PEX7: variants seen among roughly 807,000 people sequenced by gnomAD.
PEX7 encodes the protein peroxisomal biogenesis factor 7.
Under a neutral mutation model 47.5 loss-of-function variants are expected in PEX7, and 34 were observed. The observed-to-expected ratio is 0.72, with a 90% CI of 0.54 to 0.95. The LOEUF is 0.95. Among genes scored for constraint, PEX7 ranks in the 40% least tolerant of loss-of-function variants. PEX7 has a pLI of 0.00. For synonymous variants in PEX7, 141 were observed against 148.8 expected, an observed-to-expected ratio of 0.95 and a Z score of 0.38; for missense variants, 394 against 400.3, an observed-to-expected ratio of 0.98 and a Z score of 0.13.
chr6:136,823,202 C>T, intron 1 of PEX7: 1 of 985,386 alleles, frequency 1.0e-6, no homozygotes. Flanking sequence ...ACCCAGGGCT[C>T]GCGAGTTGGC....
chr6:136,844,584 A>G (rs972383804), intron 3 of PEX7, among the ~76,000 whole-genome samples: 1 of 152,178 alleles, frequency 6.6e-6, no homozygotes. Context: ...ACCATGGTGT[A>G]CATTGAATCT....
chr6:136,826,632 A>C (rs1469336481), intron 3 of PEX7, among the ~76,000 whole-genome samples, 163 bp downstream of exon 3: 1 of 151,570 alleles, frequency 6.6e-6, no homozygotes, highest in Non-Finnish European at 1.5e-5. Context: ...ATTCAAACAT[A>C]AAGTACCTCT....
rs1356410449 is a variant in PEX7, at chr6:136,826,229, A to AG, written c.189-89dup. Reference sequence around the variant, plus strand: ...GTGTTAAAATGTGTGATAAATTGAAAGAAAAAAAACCATAATTGTTATTTT... The same window carrying AG: ...GTGTTAAAATGTGTGATAAATTGAAAGGAAAAAAAACCATAATTGTTATTTT... On this transcript the variant is annotated intron_variant, in intron 2 of 9. Transcript: ENST00000318471. 380 of 1,421,806 alleles carry AG rather than the reference A, an allele frequency of 2.7e-4. 4 individuals carry two copies. The South Asian group carries it at 4.2e-3, about 16-fold the overall frequency. The allele number at this position is 1,421,806 out of a possible 1,614,324, so 88.1% of individuals were successfully genotyped here.
chr6:136,854,434 G>A (rs948959049), intron 5 of PEX7, among the ~76,000 whole-genome samples: 3 of 152,096 alleles, frequency 2.0e-5, no homozygotes, highest in Admixed American at 6.5e-5. Context: ...TGATCAACCC[G>A]CCTTGGCCTC....
At chr6:136,823,359 G>A (rs1774120879) in intron 1 of PEX7, 16 of 985,280 alleles carry the variant, frequency 1.6e-5, no homozygotes, top group Non-Finnish European at 1.9e-5. Context: ...GTTGTCTAAC[G>A]AGGAATGCAC....
chr6:136,841,403 A>G (rs947896542), intron 3 of PEX7, among the ~76,000 whole-genome samples: 1 of 152,058 alleles, frequency 6.6e-6, no homozygotes, highest in African/African-American at 2.4e-5. Context: ...CCCGATCCCT[A>G]GGGTGCTGTA....
chr6:136,839,139 C>T (rs560752384), intron 3 of PEX7, among the ~76,000 whole-genome samples: 4 of 152,090 alleles, frequency 2.6e-5, no homozygotes, highest in Admixed American at 6.5e-5. Flanking sequence ...TGTGCTCGTT[C>T]GTGGCACTGC....
chr6:136,895,233 G>A (rs1034175536), intron 8 of PEX7, among the ~76,000 whole-genome samples: 8 of 151,802 alleles, frequency 5.3e-5, no homozygotes, highest in African/African-American at 1.9e-4. Flanking sequence ...GTGAGAATGG[G>A]GAAAGAAATA....
intron 3 of PEX7, among the ~76,000 whole-genome samples, chr6:136,837,812 C>CCACACACACA (rs34680868): frequency 4.5e-4 from 66 of 146,810 alleles, no homozygotes; most frequent in Middle Eastern, 7.0e-3. Flanking sequence ...AATTTAAACG[C>CCACACACACA]CACACACACA....
chr6:136,823,473 G>A (rs1774124555), intron 1 of PEX7: 3 of 436,210 alleles, frequency 6.9e-6, no homozygotes, highest in Non-Finnish European at 9.1e-6. Flanking sequence ...CGGGAGGATC[G>A]CTTGAGCCCG....
intron 5 of PEX7, among the ~76,000 whole-genome samples, chr6:136,860,157 T>C (rs1194875760): frequency 3.3e-5 from 5 of 152,128 alleles, no homozygotes; most frequent in Non-Finnish European, 7.4e-5. Flanking sequence ...AGGCCAGTTG[T>C]CTAGAAAATT....
intron 3 of PEX7, among the ~76,000 whole-genome samples, chr6:136,843,703 T>C (rs1774544424): frequency 6.6e-6 from 1 of 152,222 alleles, no homozygotes; most frequent in South Asian, 2.1e-4. Flanking sequence ...AACCAGCCTT[T>C]TTTCTATCCA....
chr6:136,825,302 A>G (rs769699954), intron 2 of PEX7, 31 bp downstream of exon 2: 1 of 1,526,432 alleles, frequency 6.6e-7, no homozygotes, highest in Non-Finnish European at 9.1e-7. Flanking sequence ...AAAGGTATAT[A>G]TTGTTGCTAT....
At chr6:136,899,431 A>G (rs113257802) in intron 9 of PEX7, among the ~76,000 whole-genome samples, 5 of 152,118 alleles carry the variant, frequency 3.3e-5, no homozygotes, top group African/African-American at 1.2e-4. Flanking sequence ...TTTAGTAGAG[A>G]TGGGGTTTCG....
In PEX7 at chr6:136,822,756, C is replaced by A. The variant is rs1161356999; in HGVS notation, c.91C>A (p.Arg31Ser). 1.4e-6 allele frequency: 2 copies of A among 1,481,216 alleles called. No homozygotes were observed. The highest frequency in any genetic ancestry group is 1.3e-5 in the South Asian group (1 of 78,784). The allele number at this position is 1,481,216 out of a possible 1,614,324, so 91.8% of individuals were successfully genotyped here. A position where few individuals can be genotyped will look rare whatever the true frequency, so the allele number is the denominator to read the frequency against. ...AAEFSPYLPG[R>S]LACATAQHYG... ...CGAGTTCTCCCCGTACCTGCCGGGC[C>A]GCCTGGCCTGCGCCACCGCGCAGCA... Residue 31 changes from arginine (R) to serine (S), a missense_variant, in exon 1 of 10, where the codon CGC becomes AGC. Coordinates refer to ENST00000318471, the MANE Select transcript of PEX7 (RefSeq NM_000288.4).
chr6:136,892,486 TTA>T (rs1470240658), intron 8 of PEX7, among the ~76,000 whole-genome samples: 1 of 152,246 alleles, frequency 6.6e-6, no homozygotes, highest in Non-Finnish European at 1.5e-5. Context: ...CTGCCATTTA[TTA>T]GCTCTATAAC....
intron 3 of PEX7, among the ~76,000 whole-genome samples, chr6:136,837,097 A>G (rs1391206257): frequency 6.6e-6 from 1 of 152,176 alleles, no homozygotes. Context: ...AGCCGCGCTT[A>G]CGCCTGTAAT....
At chr6:136,823,427 C>A in intron 1 of PEX7, 2 of 893,132 alleles carry the variant, frequency 2.2e-6, no homozygotes, top group Non-Finnish European at 2.7e-6. Context: ...CGCGCATTGG[C>A]TCAGCCTGTG....
intron 5 of PEX7, among the ~76,000 whole-genome samples, chr6:136,848,993 G>A (rs1345908989): frequency 2.0e-5 from 3 of 152,062 alleles, no homozygotes; most frequent in Admixed American, 6.5e-5. Flanking sequence ...GAGTTTTCTT[G>A]GTTGGTAGGC....
Sources: allele counts gnomAD v4.1 joint callset (sites outside exome capture counted in the v4.1 genomes callset), GRCh38; gene constraint gnomAD v4.1.1; transcripts MANE v1.5; gene names NCBI Gene and HGNC (gene_info 2026-07-23, HGNC 2026-07-21).